Variants in DLGAP1 observed in about 807,000 individuals in gnomAD.
DLGAP1 encodes the protein disks large-associated protein 1.
In DLGAP1, 11 loss-of-function variants were observed where a neutral mutation model predicts 90.8. The ratio of observed to expected loss-of-function variants is 0.12; its 90% CI spans 0.08 to 0.20. The LOEUF (loss-of-function observed/expected upper bound fraction) is 0.20. Ranked by LOEUF, DLGAP1 falls within the 10% of genes least tolerant of loss-of-function variation. The probability of loss-of-function intolerance (pLI) is 1.00; values close to 1 mark genes in which losing one functional copy is unlikely to be tolerated. For missense variants in DLGAP1, 1,050 were observed against 1,333.8 expected (o/e 0.79, Z 3.31); for synonymous variants, 558 against 540.7 (o/e 1.03, Z -0.44).
chr18:4,351,435 A>C (rs2081400059), intron 1 of DLGAP1, among the ~76,000 whole-genome samples: 1 of 152,214 alleles, frequency 6.6e-6, no homozygotes, highest in Non-Finnish European at 1.5e-5. Context: ...CTCTGAGATA[A>C]ATAATTTAAA....
At chr18:4,211,986 A>C (rs2077851154) in intron 1 of DLGAP1, among the ~76,000 whole-genome samples, 2 of 151,944 alleles carry the variant, frequency 1.3e-5, no homozygotes, top group Non-Finnish European at 2.9e-5. Flanking sequence ...AAAAATACAA[A>C]CATGTCTGTG....
At chr18:4,030,814 C>G (rs555162046) in intron 2 of DLGAP1, among the ~76,000 whole-genome samples, 79 of 152,196 alleles carry the variant, frequency 5.2e-4, no homozygotes, top group African/African-American at 1.8e-3. Context: ...CCCAGCTACT[C>G]AGGAGGCTGA....
At chr18:4,128,194 C>T (rs2144177199) in intron 2 of DLGAP1, among the ~76,000 whole-genome samples, 1 of 152,250 alleles carries the variant, frequency 6.6e-6, no homozygotes, top group East Asian at 1.9e-4. Flanking sequence ...TGCATCTGTA[C>T]TGACCAGATA....
Position 4,437,420 on chromosome 18 carries a change from C to T in DLGAP1, c.-267+17586G>A, listed in dbSNP as rs142941634. Among the ~76,000 whole-genome samples, 557 of 152,258 alleles carry T rather than the reference C, an allele frequency of 3.7e-3. 4 individuals carry two copies. Among genetic ancestry groups the T allele is most frequent in the African/African-American group, 0.012 (513 of 41,540 alleles). On this transcript the variant is annotated intron_variant, in intron 1 of 12. Coordinates refer to ENST00000315677, the MANE Select transcript of DLGAP1 (RefSeq NM_004746.4). ...CTGTAGATACCAAAACTCGAGGATGCCCAAGTCTCTGGTATAAAATGGTAT... is the reference window on the plus strand; with the variant it reads ...CTGTAGATACCAAAACTCGAGGATGTCCAAGTCTCTGGTATAAAATGGTAT...
chr18:3,528,139 G>A (rs905144258), intron 10 of DLGAP1, among the ~76,000 whole-genome samples: 9 of 152,066 alleles, frequency 5.9e-5, no homozygotes, highest in African/African-American at 9.7e-5. Flanking sequence ...ATGGCACCAC[G>A]TTTGTCAGGC....
At chr18:3,525,055 T>C (rs1483914822) in intron 10 of DLGAP1, among the ~76,000 whole-genome samples, 2 of 150,826 alleles carry the variant, frequency 1.3e-5, no homozygotes, top group East Asian at 3.9e-4. Flanking sequence ...AGTTTTCCCA[T>C]AGACTAACAC....
chr18:4,167,807 C>A (rs2076956386), intron 1 of DLGAP1, among the ~76,000 whole-genome samples: 2 of 152,076 alleles, frequency 1.3e-5, no homozygotes, highest in Admixed American at 6.5e-5. Flanking sequence ...TAACAGTGAA[C>A]ATGTGGAAAC....
At chr18:4,435,582 A>G (rs1404622168) in intron 1 of DLGAP1, among the ~76,000 whole-genome samples, 2 of 152,180 alleles carry the variant, frequency 1.3e-5, no homozygotes, top group Non-Finnish European at 2.9e-5. Context: ...ACACCGATGG[A>G]GGGAGGGCAC....
chr18:3,548,717 G>T (rs1162837010), intron 9 of DLGAP1, among the ~76,000 whole-genome samples: 2 of 152,168 alleles, frequency 1.3e-5, no homozygotes, highest in East Asian at 3.9e-4. Context: ...ACAAGGCAAG[G>T]ATGTCCATAT....
In DLGAP1 at chr18:4,005,163, C is replaced by T. The variant is rs2074277160; in HGVS notation, c.-120G>A. 1 of 152,072 alleles carries T rather than the reference C, an allele frequency of 6.6e-6. No individual in the cohort carries two copies. Among genetic ancestry groups the T allele is most frequent in the South Asian group, 2.1e-4 (1 of 4,812 alleles). 9.4% of individuals were successfully genotyped at this position (152,072 alleles called of 1,614,324 possible). A position where few individuals can be genotyped will look rare whatever the true frequency, so the allele number is the denominator to read the frequency against. ...CAATCAGGAATTCTCTCGAGCAGAC[C>T]CTCTAGTGGCATTCAGTGGATCCCA... On this transcript the variant is annotated 5_prime_UTR_variant, in exon 3 of 13. Coordinates refer to ENST00000315677, the MANE Select transcript of DLGAP1 (RefSeq NM_004746.4).
intron 2 of DLGAP1, among the ~76,000 whole-genome samples, chr18:4,034,951 GT>G (rs1288495737): frequency 6.6e-6 from 1 of 151,416 alleles, no homozygotes; most frequent in Non-Finnish European, 1.5e-5. Context: ...CCTTGTGATA[GT>G]TTGCTGAGAA....
chr18:4,333,168 G>A (rs1026638586), intron 1 of DLGAP1, among the ~76,000 whole-genome samples: 8 of 151,982 alleles, frequency 5.3e-5, no homozygotes, highest in Non-Finnish European at 1.2e-4. Flanking sequence ...TGTCTGGCCT[G>A]GTTAGGTACT....
chr18:3,942,587 G>T (rs999493879), intron 3 of DLGAP1, among the ~76,000 whole-genome samples: 1 of 152,140 alleles, frequency 6.6e-6, no homozygotes, highest in Non-Finnish European at 1.5e-5. Flanking sequence ...GCAGTAACTT[G>T]GTCTCCCATC....
intron 2 of DLGAP1, among the ~76,000 whole-genome samples, chr18:4,136,336 G>A (rs1048196813): frequency 5.3e-5 from 8 of 152,080 alleles, no homozygotes; most frequent in African/African-American, 1.9e-4. Flanking sequence ...TCTCCACAGT[G>A]GTTGTACGAA....
At chr18:3,954,159 T>C (rs2073041184) in intron 3 of DLGAP1, among the ~76,000 whole-genome samples, 1 of 152,238 alleles carries the variant, frequency 6.6e-6, no homozygotes, top group Non-Finnish European at 1.5e-5. Flanking sequence ...ATAAAGGAAA[T>C]GGTCAAATGT....
Position 4,230,904 on chromosome 18 carries a change from C to T in DLGAP1, c.-266-79617G>A, listed in dbSNP as rs147388666. ...ATGCCATAAATAGATACACCTACTA[C>T]ATACTCCAAAATTAAAAATAAATAA... On this transcript the variant is annotated intron_variant, in intron 1 of 12. Coordinates refer to ENST00000315677, the MANE Select transcript of DLGAP1 (RefSeq NM_004746.4). Among the ~76,000 whole-genome samples, 950 of 151,662 alleles carry T rather than the reference C, an allele frequency of 6.3e-3. 12 individuals carry two copies. The highest frequency in any genetic ancestry group is 0.022 in the African/African-American group (914 of 41,354).
At chr18:4,124,211 A>G (rs1306577852) in intron 2 of DLGAP1, among the ~76,000 whole-genome samples, 1 of 152,108 alleles carries the variant, frequency 6.6e-6, no homozygotes, top group African/African-American at 2.4e-5. Flanking sequence ...AACTTGTAAT[A>G]TGCTTTCTCC....
chr18:3,628,635 A>G (rs1371014917), intron 7 of DLGAP1, among the ~76,000 whole-genome samples: 1 of 152,078 alleles, frequency 6.6e-6, no homozygotes, highest in Non-Finnish European at 1.5e-5. Context: ...TAGTCTGCTG[A>G]TATTTGTCAT....
intron 10 of DLGAP1, among the ~76,000 whole-genome samples, chr18:3,520,811 G>A (rs1408040141): frequency 6.6e-6 from 1 of 152,194 alleles, no homozygotes; most frequent in African/African-American, 2.4e-5. Context: ...AGGGCAGCAT[G>A]CCTTCGCTCT....
Sources: gnomAD v4.1 joint callset for allele counts (sites outside exome capture counted in the v4.1 genomes callset) on GRCh38, gnomAD v4.1.1 for gene constraint, MANE v1.5 for transcripts, NCBI Gene and HGNC (gene_info 2026-07-23, HGNC 2026-07-21) for gene names.